The following PLXND1 variants were observed in gnomAD, a reference collection of about 807,000 sequenced individuals.
PLXND1 encodes plexin-D1.
PLXND1 carries 54 observed loss-of-function variants against 197.7 expected under a neutral mutation model. The observed-to-expected ratio is 0.27, with a 90% CI of 0.22 to 0.34. The LOEUF is 0.34. PLXND1 is among the 10% of genes least tolerant of loss of function. The pLI is 1.00. For synonymous variants in PLXND1, 1,180 were observed against 1,161.2 expected (o/e 1.02, Z -0.33); for missense variants, 2,127 against 2,699.2 (o/e 0.79, Z 4.70).
intron 15 of PLXND1, 140 bp downstream of exon 15, chr3:129,572,469 G>A (rs1307166865): frequency 6.2e-6 from 4 of 647,358 alleles, no homozygotes; most frequent in South Asian, 2.9e-5. Flanking sequence ...GCTCAGAGAG[G>A]AGAAGGGGCT....
At chr3:129,593,188 G>A (rs1372825975) in intron 1 of PLXND1, among the ~76,000 whole-genome samples, 1 of 152,090 alleles carries the variant, frequency 6.6e-6, no homozygotes, top group African/African-American at 2.4e-5. Flanking sequence ...TCGGGATCAA[G>A]CCCCAGCAGT....
intron 34 of PLXND1, 89 bp downstream of exon 34, chr3:129,556,994 T>G (rs2084983816): frequency 1.4e-6 from 2 of 1,411,568 alleles, no homozygotes; most frequent in East Asian, 4.6e-5. Flanking sequence ...CTCCCTGCCC[T>G]TACTCCAGTG....
chr3:129,565,951 T>C lies in PLXND1; in HGVS notation c.4258A>G (p.Lys1420Glu). Residue 1420 changes from lysine (K) to glutamate (E), a missense_variant, in exon 24 of 36, where the codon AAG becomes GAG. Coordinates refer to ENST00000324093, the MANE Select transcript of PLXND1 (RefSeq NM_015103.3). ...ISLFSSLLNN[K>E]HFLIVFVHAL... ...TGGACAAAGACGATGAGGAAGTGCTTGTTGTTGAGTAGTGAGGAGAACAAG... is the reference window on the plus strand; with the variant it reads ...TGGACAAAGACGATGAGGAAGTGCTCGTTGTTGAGTAGTGAGGAGAACAAG... 1 of 1,614,052 alleles carries C rather than the reference T, an allele frequency of 6.2e-7. No individual in the cohort carries two copies. Among genetic ancestry groups the C allele is most frequent in the Non-Finnish European group, 8.5e-7 (1 of 1,179,930 alleles).
intron 2 of PLXND1, among the ~76,000 whole-genome samples, chr3:129,587,969 G>A (rs1423720205): frequency 1.3e-5 from 1 of 78,606 alleles, no homozygotes; most frequent in Non-Finnish European, 3.3e-5. Flanking sequence ...GCCACTGCCC[G>A]CACCCACCCC....
chr3:129,606,309 G>A lies in PLXND1; in HGVS notation c.331C>T (p.Gln111Ter). The A allele has an allele frequency of 6.6e-7, 1 of 1,515,568 alleles. No individual in the cohort carries two copies. 93.9% of individuals were successfully genotyped at this position (1,515,568 alleles called of 1,614,324 possible). A position where few individuals can be genotyped will look rare whatever the true frequency, so the allele number is the denominator to read the frequency against. ...SPLCHAPQLP[Q>*]ASCEHPRRLT... ...CGCCGCGGGTGCTCGCACGAGGCCTGCGGCAGCTGCGGAGCGTGACACAGC... is the reference window on the plus strand; with the variant it reads ...CGCCGCGGGTGCTCGCACGAGGCCTACGGCAGCTGCGGAGCGTGACACAGC... Residue 111 changes from glutamine to a stop codon, truncating the protein, a stop_gained, in exon 1 of 36, where the codon CAG (glutamine) becomes TAG (stop). Transcript: ENST00000324093. LOFTEE classifies it high-confidence loss of function.
intron 15 of PLXND1, 63 bp from the exon 16 acceptor site, chr3:129,571,907 C>T: frequency 6.7e-7 from 1 of 1,490,858 alleles, no homozygotes; most frequent in Non-Finnish European, 9.1e-7. Flanking sequence ...CGCCAATGCC[C>T]CTGAGACCTG....
In PLXND1 at chr3:129,596,735, C is replaced by T. The variant is rs143738449; in HGVS notation, c.1312-7208G>A. Among the ~76,000 whole-genome samples, 18 of 152,306 alleles carry T rather than the reference C, an allele frequency of 1.2e-4. No homozygotes were observed. The East Asian group carries it at 2.3e-3, about 20-fold the overall frequency. On this transcript the variant is annotated intron_variant, in intron 1 of 35. Coordinates refer to ENST00000324093, the MANE Select transcript of PLXND1 (RefSeq NM_015103.3). ...AGGTTCGATCTCACACCCTCCTCCC[C>T]AGCCCCTGGTCTCCTCGGGGTCCAG...
At chr3:129,598,763 T>A (rs1372069989) in intron 1 of PLXND1, among the ~76,000 whole-genome samples, 1 of 152,052 alleles carries the variant, frequency 6.6e-6, no homozygotes, top group Admixed American at 6.5e-5. Flanking sequence ...TTTGGAGGAA[T>A]GAGGGGTCAC....
chr3:129,584,142 T>TTG lies in PLXND1; in HGVS notation c.2119_2120dup (p.Gln707HisfsTer96). On this transcript the variant is annotated frameshift_variant, in exon 7 of 36. Coordinates refer to ENST00000324093, the MANE Select transcript of PLXND1 (RefSeq NM_015103.3). LOFTEE classifies it high-confidence loss of function. The stretch of plus-strand genomic sequence containing the variant: ...CCACTCACGCTGTGTGGGGGTACAC[T>TTG]TGTGCAGTGCGGCTGCAGTCGTAGA... 6.4e-7 allele frequency: 1 copy of TTG among 1,563,024 alleles called. No individual in the cohort carries two copies. The highest frequency in any genetic ancestry group is 8.7e-7 in the Non-Finnish European group (1 of 1,152,062).
chr3:129,570,768 G>A lies in PLXND1; in HGVS notation c.3750+18C>T, dbSNP rs376690888. 55 of 1,613,080 alleles carry A rather than the reference G, an allele frequency of 3.4e-5. No homozygotes were observed. The highest frequency in any genetic ancestry group is 3.3e-4 in the Middle Eastern group (2 of 6,058). On this transcript the variant is annotated intron_variant, in intron 19 of 35. Transcript: ENST00000324093. The stretch of plus-strand genomic sequence containing the variant: ...GGTGGGGCCAGGTCTGCCCTGCTCC[G>A]GCGCCCCATCCACTCACTGTGATGG...
At chr3:129,584,051 C>G in intron 7 of PLXND1, 74 bp downstream of exon 7, 1 of 984,032 alleles carries the variant, frequency 1.0e-6, no homozygotes, top group Non-Finnish European at 1.6e-6. Context: ...TCAGGGCCCC[C>G]TGAAAGCAAA....
In PLXND1 at chr3:129,584,404, C is replaced by T. The variant is rs189130857; in HGVS notation, c.2010G>A (p.Pro670=). The T allele has an allele frequency of 3.7e-5, 60 of 1,612,494 alleles. No homozygotes were observed. The highest frequency in any genetic ancestry group is 1.8e-4 in the Admixed American group (11 of 59,940). Residue 670 remains proline, a synonymous_variant, in exon 6 of 36, where the codon CCG becomes CCA. Coordinates refer to ENST00000324093, the MANE Select transcript of PLXND1 (RefSeq NM_015103.3). ...GCTTACCCTGGTTGGGGGGGAAGGG[C>T]GGAAACTGGTCCCTCGGCAGGAGGT... ...YCNLLPRDQF[P]PFPPNQDHVT... is the part of the protein sequence containing the mutation.
chr3:129,570,989 G>A (rs1311735578), intron 18 of PLXND1, 51 bp downstream of exon 18: 2 of 1,613,222 alleles, frequency 1.2e-6, no homozygotes. Flanking sequence ...GAGGCCCACA[G>A]CTGAGGCTGG....
chr3:129,564,729 T>A (rs143626536), intron 25 of PLXND1, among the ~76,000 whole-genome samples: 1 of 152,246 alleles, frequency 6.6e-6, no homozygotes, highest in African/African-American at 2.4e-5. Flanking sequence ...TCCGCTCTCA[T>A]CCAGAAGATT....
In PLXND1 at chr3:129,586,007, C is replaced by A. The variant is rs199829526; in HGVS notation, c.1796G>T (p.Arg599Leu). The A allele has an allele frequency of 1.2e-6, 2 of 1,614,006 alleles. No homozygotes were observed. Among genetic ancestry groups the A allele is most frequent in the Admixed American group, 1.7e-5 (1 of 60,030 alleles). Residue 599 changes from arginine to leucine, a missense_variant, in exon 5 of 36, where the codon CGC becomes CTC. Transcript: ENST00000324093. The stretch of plus-strand genomic sequence containing the variant: ...AGGCAGGACGGTCATGGCAGGACAG[C>A]GGCTGGGGCCCTCGCTGGCACTGGT... Reference protein sequence around the residue: ...FWTSASEGPSRCPAMTVLPSE... With the variant: ...FWTSASEGPSLCPAMTVLPSE...
rs1038378733 is a variant in PLXND1 at position 129,605,310 on chromosome 3, C to T, written c.1311+19G>A. ...CCGCCGCCGCCGCCGCCGCCGCCGC[C>T]GCCACCGCCCGGGTGTACCTGGATG... On this transcript the variant is annotated intron_variant, in intron 1 of 35. Transcript: ENST00000324093. 4.8e-6 allele frequency: 6 copies of T among 1,254,468 alleles called. No individual in the cohort carries two copies. Among genetic ancestry groups the T allele is most frequent in the African/African-American group, 1.6e-5 (1 of 63,624 alleles). The allele number at this position is 1,254,468 out of a possible 1,614,324, so 77.7% of individuals were successfully genotyped here. A position where few individuals can be genotyped will look rare whatever the true frequency, so the allele number is the denominator to read the frequency against.
At chr3:129,567,676 C>A in intron 21 of PLXND1, 22 bp downstream of exon 21, 1 of 1,585,690 alleles carries the variant, frequency 6.3e-7, no homozygotes, top group Non-Finnish European at 8.7e-7. Context: ...AGGCCCAGCC[C>A]TGCAGGGTCC....
intron 30 of PLXND1, 118 bp downstream of exon 30, chr3:129,560,571 C>CA: frequency 1.0e-6 from 1 of 968,584 alleles, no homozygotes; most frequent in Non-Finnish European, 1.6e-6. Context: ...CCTACTCCCC[C>CA]ACCCCCCAGC....
rs1229559163 is a variant in PLXND1 at position 129,565,443 on chromosome 3, G to A, written c.4418C>T (p.Ala1473Val). The change falls in exon 25 of 36, where the codon GCC becomes GTC. Residue 1473 changes from alanine to valine, a missense_variant. Coordinates refer to ENST00000324093, the MANE Select transcript of PLXND1 (RefSeq NM_015103.3). The stretch of plus-strand genomic sequence containing the variant: ...GAGCTTGGGGTTCTTGGCGGCCGAG[G>A]CGTCAATGAGGTCCACCAGCAGCTC... ...MKELLVDLIDASAAKNPKLML... is the reference protein window; with the variant it reads ...MKELLVDLIDVSAAKNPKLML... 2.5e-6 allele frequency: 4 copies of A among 1,614,052 alleles called. No individual in the cohort carries two copies. The highest frequency in any genetic ancestry group is 3.4e-6 in the Non-Finnish European group (4 of 1,179,980).
Sources: allele counts gnomAD v4.1 joint callset (sites outside exome capture counted in the v4.1 genomes callset), GRCh38; gene constraint gnomAD v4.1.1; transcripts MANE v1.5; gene names NCBI Gene and HGNC (gene_info 2026-07-23, HGNC 2026-07-21).